Variants in PCDHGA7 observed in about 807,000 individuals in gnomAD.
PCDHGA7 encodes the protein protocadherin gamma subfamily A, 7, also known as protocadherin gamma-A7.
PCDHGA7 carries 44 observed loss-of-function variants against 58.3 expected under a neutral mutation model. The ratio of observed to expected loss-of-function variants is 0.75; its 90% confidence interval spans 0.59 to 0.97. The LOEUF is 0.97. Among genes scored for constraint, PCDHGA7 ranks in the 50% least tolerant of loss-of-function variants. The pLI is 0.00. For missense variants in PCDHGA7, 1,266 were observed against 1,188.7 expected (o/e 1.06, Z -0.96); for synonymous variants, 516 against 504.2 (o/e 1.02, Z -0.31).
chr5:141,410,078 G>T, intron 1 of PCDHGA7: 4 of 1,612,820 alleles, frequency 2.5e-6, no homozygotes, highest in East Asian at 2.2e-5. Flanking sequence ...CACTGGGGAG[G>T]TGCGCACGGC....
chr5:141,404,195 G>A (rs1472875979), intron 1 of PCDHGA7: 1 of 1,613,400 alleles, frequency 6.2e-7, no homozygotes, highest in East Asian at 2.2e-5. Context: ...CCGAGAAAAA[G>A]CCTCAGAATA....
At chr5:141,399,834 G>A (rs375768001) in intron 1 of PCDHGA7, 3 of 1,613,004 alleles carry the variant, frequency 1.9e-6, no homozygotes, top group African/African-American at 2.7e-5. Flanking sequence ...ACGGCTCTGC[G>A]CTCTTCGATA....
chr5:141,467,008 A>T (rs1319152720), intron 1 of PCDHGA7, among the ~76,000 whole-genome samples: 1 of 150,270 alleles, frequency 6.7e-6, no homozygotes, highest in African/African-American at 2.4e-5. Context: ...TTGCAATGCA[A>T]TTTTTTTCCC....
At chr5:141,478,165 C>G (rs780594020) in intron 1 of PCDHGA7, 13 of 1,613,920 alleles carry the variant, frequency 8.1e-6, no homozygotes, top group African/African-American at 1.3e-5. Flanking sequence ...GCTCTGCCCC[C>G]CGGGAGCAGA....
Position 141,431,137 on chromosome 5 carries a change from T to G in PCDHGA7, c.2424+45814T>G. 3 of 1,614,212 alleles carry G rather than the reference T, an allele frequency of 1.9e-6. No individual in the cohort carries two copies. The highest frequency in any genetic ancestry group is 2.2e-5 in the South Asian group (2 of 91,084). On this transcript the variant is annotated intron_variant, in intron 1 of 3. Coordinates refer to ENST00000518325, the MANE Select transcript of PCDHGA7 (RefSeq NM_018920.4). This position sits in a 1 kb window ranked among gnomAD's most constrained non-coding sequence, Gnocchi z 4.8. Reference sequence around the variant, plus strand: ...GAGTAGAAGTAGAAGTAAGGGACATTAACGACAATGCGCCTTACTTTCGTG... The same window carrying G: ...GAGTAGAAGTAGAAGTAAGGGACATGAACGACAATGCGCCTTACTTTCGTG...
intron 1 of PCDHGA7, among the ~76,000 whole-genome samples, chr5:141,425,406 T>C (rs915792432): frequency 3.9e-5 from 6 of 152,222 alleles, no homozygotes; most frequent in Non-Finnish European, 7.3e-5. Flanking sequence ...TCTGTTAAGG[T>C]ATAACATATA....
At chr5:141,386,097 T>C (rs1216816786) in intron 1 of PCDHGA7, 9 of 152,236 alleles carry the variant, frequency 5.9e-5, no homozygotes, top group African/African-American at 2.2e-4. Flanking sequence ...AGATGAAGTG[T>C]GTCTGTGGGC....
chr5:141,423,552 C>A, intron 1 of PCDHGA7: 2 of 1,613,720 alleles, frequency 1.2e-6, no homozygotes, highest in Non-Finnish European at 1.7e-6. Context: ...CCCAGCCCAA[C>A]TATGGGGACA....
chr5:141,466,115 C>A (rs2099117208), intron 1 of PCDHGA7, among the ~76,000 whole-genome samples: 1 of 151,618 alleles, frequency 6.6e-6, no homozygotes, highest in African/African-American at 2.4e-5. Context: ...GAGTGAGACT[C>A]CAGCTCAAAA....
intron 1 of PCDHGA7, among the ~76,000 whole-genome samples, chr5:141,456,703 G>T (rs528071544): frequency 1.3e-5 from 2 of 152,062 alleles, no homozygotes; most frequent in Non-Finnish European, 2.9e-5. Context: ...GGTGGCTCGC[G>T]CCTGTAATCC....
Position 141,410,515 on chromosome 5 carries a change from G to A in PCDHGA7, c.2424+25192G>A, listed in dbSNP as rs373451539. The A allele has an allele frequency of 1.9e-6, 3 of 1,613,828 alleles. No homozygotes were observed. The African/African-American group carries it at 4.0e-5, about 22-fold the overall frequency. On this transcript the variant is annotated intron_variant, in intron 1 of 3. Coordinates refer to ENST00000518325, the MANE Select transcript of PCDHGA7 (RefSeq NM_018920.4). ...AGTTTAATTTCCTAAAATGCAGTGT[G>A]CCCCTACATTCCAATGAAGACATGG...
At chr5:141,450,006 C>CTATTTTTTTTT (rs70988802) in intron 1 of PCDHGA7, among the ~76,000 whole-genome samples, 2 of 132,964 alleles carry the variant, frequency 1.5e-5, no homozygotes, top group African/African-American at 2.8e-5. Flanking sequence ...TGCCATGTCT[C>CTATTTTTTTTT]TTTTTTTTTT....
In PCDHGA7 at chr5:141,417,886, C is replaced by G. The variant is rs1330007520; in HGVS notation, c.2424+32563C>G. Reference sequence around the variant, plus strand: ...TGGGAGGGAGCTGCGCGCAGAGGCGCCGGGCCGGCCCGCGGCAGGTACTAT... The same window carrying G: ...TGGGAGGGAGCTGCGCGCAGAGGCGGCGGGCCGGCCCGCGGCAGGTACTAT... On this transcript the variant is annotated intron_variant, in intron 1 of 3. Transcript: ENST00000518325. The G allele has an allele frequency of 9.0e-6, 14 of 1,563,624 alleles. No individual in the cohort carries two copies. The African/African-American group carries it at 1.9e-4, about 21-fold the overall frequency.
chr5:141,503,362 G>A (rs565902559), intron 2 of PCDHGA7, among the ~76,000 whole-genome samples: 32 of 152,054 alleles, frequency 2.1e-4, no homozygotes, highest in African/African-American at 6.5e-4. Context: ...TTTGGGAAGC[G>A]GAGGCAGGTG....
chr5:141,422,811 C>T (rs748248571), intron 1 of PCDHGA7: 1 of 1,614,248 alleles, frequency 6.2e-7, no homozygotes, highest in Non-Finnish European at 8.5e-7. Context: ...AGTTTCGAGA[C>T]TTAGAACTGA....
chr5:141,440,578 C>T (rs2098188646), intron 1 of PCDHGA7: 1 of 152,138 alleles, frequency 6.6e-6, no homozygotes, highest in Non-Finnish European at 1.5e-5. Flanking sequence ...CTGAGTTTAC[C>T]CAGCTGGAAC....
rs200868391 is a variant in PCDHGA7 at position 141,415,586 on chromosome 5, C to T, written c.2424+30263C>T. 540 of 1,613,746 alleles carry T rather than the reference C, an allele frequency of 3.3e-4. No individual in the cohort carries two copies. Among genetic ancestry groups the T allele is most frequent in the Non-Finnish European group, 4.5e-4 (527 of 1,179,996 alleles). ...TCTTTGTTAGATGATTCGAAGTTTCCTATAGAGGATACCCCATTGGTTCCA... is the reference window on the plus strand; with the variant it reads ...TCTTTGTTAGATGATTCGAAGTTTCTTATAGAGGATACCCCATTGGTTCCA... On this transcript the variant is annotated intron_variant, in intron 1 of 3. Coordinates refer to ENST00000518325, the MANE Select transcript of PCDHGA7 (RefSeq NM_018920.4).
rs1046016115 is a variant in PCDHGA7, at chr5:141,384,768, G to C, written c.1869G>C (p.Thr623=). The C allele has an allele frequency of 2.5e-6, 4 of 1,613,804 alleles. No homozygotes were observed. The highest frequency in any genetic ancestry group is 3.4e-6 in the Non-Finnish European group (4 of 1,180,024). Residue 623 remains threonine (T), a synonymous_variant, in exon 1 of 4, where the codon ACG becomes ACC. Transcript: ENST00000518325. ...EPGLFAVGLY[T]GEVRTARALL... ...GACTCTTTGCGGTTGGGCTGTACAC[G>C]GGCGAGGTGCGCACGGCTCGGGCCC...
intron 1 of PCDHGA7, chr5:141,417,503 T>G (rs1171198405): frequency 8.7e-6 from 2 of 229,844 alleles, no homozygotes; most frequent in East Asian, 1.9e-4. Context: ...GGAAAAAGAT[T>G]AAAATATTTT....
Sources: gnomAD v4.1 joint callset for allele counts (sites outside exome capture counted in the v4.1 genomes callset) on GRCh38, gnomAD v4.1.1 for gene constraint, Gnocchi (gnomAD v3.1) non-coding constraint, MANE v1.5 for transcripts, NCBI Gene and HGNC (gene_info 2026-07-23, HGNC 2026-07-21) for gene names.